Variants in MTOR observed in about 807,000 individuals in gnomAD.
MTOR encodes the protein mechanistic target of rapamycin kinase, also known as serine/threonine-protein kinase mTOR.
In MTOR, 70 loss-of-function variants were observed where a neutral mutation model predicts 319.8. The ratio of observed to expected loss-of-function variants is 0.22; its 90% CI spans 0.18 to 0.27. MTOR has a LOEUF of 0.27. Among genes scored for constraint, MTOR ranks in the 10% least tolerant of loss-of-function variants. The pLI is 1.00. For missense variants in MTOR, 1,890 were observed against 3,274.4 expected, an observed-to-expected ratio of 0.58 and a Z score of 10.32; for synonymous variants, 1,183 against 1,211.4, an observed-to-expected ratio of 0.98 and a Z score of 0.49.
At chr1:11,171,424 G>A (rs1248747298) in intron 28 of MTOR, among the ~76,000 whole-genome samples, 1 of 151,822 alleles carries the variant, frequency 6.6e-6, no homozygotes, top group African/African-American at 2.4e-5. Flanking sequence ...TGGGATGACA[G>A]GTGTGAGGCA....
intron 36 of MTOR, among the ~76,000 whole-genome samples, chr1:11,136,845 T>C (rs1464622885): frequency 7.5e-6 from 1 of 133,322 alleles, no homozygotes; most frequent in African/African-American, 3.0e-5. Context: ...TTAAATCTGA[T>C]TTTTTTTTTT....
At chr1:11,237,061 T>C (rs571933787) in intron 13 of MTOR, among the ~76,000 whole-genome samples, 1 of 152,312 alleles carries the variant, frequency 6.6e-6, no homozygotes, top group African/African-American at 2.4e-5. Flanking sequence ...GTTCCTTATA[T>C]GTTATAAAAA....
chr1:11,196,621 G>A (rs1645794177), intron 28 of MTOR, among the ~76,000 whole-genome samples: 1 of 152,230 alleles, frequency 6.6e-6, no homozygotes, highest in South Asian at 2.1e-4. Context: ...TTAGGAGGCC[G>A]AGGCGGGTGG....
intron 49 of MTOR, 98 bp from the exon 50 acceptor site, chr1:11,117,184 C>T (rs986334168): frequency 2.1e-5 from 21 of 982,484 alleles, no homozygotes; most frequent in South Asian, 1.2e-4. Context: ...CTTTTGAGAC[C>T]GAGTCTCGCT....
At chr1:11,194,814 A>G (rs1408542164) in intron 28 of MTOR, 1 of 1,610,548 alleles carries the variant, frequency 6.2e-7, no homozygotes, top group South Asian at 1.1e-5. Context: ...CTGGTCTATC[A>G]CAGTCAACTT....
intron 28 of MTOR, among the ~76,000 whole-genome samples, chr1:11,185,716 G>T (rs1645297834): frequency 1.3e-5 from 2 of 152,174 alleles, no homozygotes; most frequent in Middle Eastern, 3.2e-3. Flanking sequence ...AAAGCTCAGG[G>T]AAAAGATGGA....
intron 46 of MTOR, among the ~76,000 whole-genome samples, chr1:11,126,138 C>T (rs1295870350): frequency 1.3e-5 from 2 of 152,022 alleles, no homozygotes; most frequent in East Asian, 3.9e-4. Flanking sequence ...ACACTCTACC[C>T]CAAGGGAAAT....
rs1314272593 is a variant in MTOR, at chr1:11,114,881, T to C, written c.7096A>G (p.Met2366Val). ...TTCTCTGGAAACTTCTCTCGGGTCA[T>C]AGCAACCTACAGAATAATAAATGGG... is the stretch of plus-strand genomic sequence containing the variant. ...IDFGDCFEVA[M>V]TREKFPEKIP... The change falls in exon 52 of 58, where the codon ATG (methionine) becomes GTG (valine). Residue 2366 changes from methionine to valine, a missense_variant. Met to Val is a conservative substitution (Grantham distance 21). Coordinates refer to ENST00000361445, the MANE Select transcript of MTOR (RefSeq NM_004958.4). The C allele has an allele frequency of 1.9e-6, 3 of 1,613,968 alleles. No individual in the cohort carries two copies. The highest frequency in any genetic ancestry group is 2.2e-5 in the East Asian group (1 of 44,874).
At chr1:11,222,173 TTC>T (rs960921355) in intron 19 of MTOR, among the ~76,000 whole-genome samples, 7 of 151,970 alleles carry the variant, frequency 4.6e-5, no homozygotes, top group African/African-American at 1.7e-4. Context: ...TTATATAAAG[TTC>T]TTTTTTAAAA....
intron 28 of MTOR, among the ~76,000 whole-genome samples, chr1:11,191,488 CAT>C (rs1645528781): frequency 6.6e-6 from 1 of 152,166 alleles, no homozygotes; most frequent in Non-Finnish European, 1.5e-5. Flanking sequence ...CACCCCGAGA[CAT>C]AGCAGGCAGG....
At chr1:11,153,749 T>A (rs1315392587) in intron 30 of MTOR, among the ~76,000 whole-genome samples, 3 of 151,870 alleles carry the variant, frequency 2.0e-5, no homozygotes, top group Non-Finnish European at 4.4e-5. Flanking sequence ...ACTGAGGAAC[T>A]GAATTTCACA....
intron 28 of MTOR, among the ~76,000 whole-genome samples, chr1:11,197,732 G>C (rs530321054): frequency 1.3e-5 from 2 of 152,184 alleles, no homozygotes; most frequent in East Asian, 3.9e-4. Flanking sequence ...AGTAGAGATG[G>C]GTGTTTCACC....
intron 13 of MTOR, among the ~76,000 whole-genome samples, chr1:11,235,516 G>A (rs1647174441): frequency 6.6e-6 from 1 of 151,978 alleles, no homozygotes; most frequent in Admixed American, 6.6e-5. Flanking sequence ...CCTTTACCAA[G>A]GCATGAAAAT....
At position 11,202,909 on chromosome 1, in the gene MTOR, C is replaced by CA. The variant is rs1362303314; in HGVS notation, c.3944+1651dup. Among the ~76,000 whole-genome samples, 77 of 94,596 alleles carry CA rather than the reference C, an allele frequency of 8.1e-4. 1 individual carries two copies. In the East Asian group the frequency reaches 8.6e-3, roughly 11 times the overall value. The allele number at this position is 94,596 out of a possible 152,430, so 62.1% of individuals were successfully genotyped here. On this transcript the variant is annotated intron_variant, in intron 26 of 57. Transcript: ENST00000361445. ...GGCAGCAGAGACCCTGTTTCCAAAA[C>CA]AAAAACAAAAACAAAAAACCAGGCG...
chr1:11,144,995 T>C lies in MTOR; in HGVS notation c.4737A>G (p.Ala1579=), dbSNP rs774280805. 3.7e-6 allele frequency: 6 copies of C among 1,614,162 alleles called. No homozygotes were observed. Among genetic ancestry groups the C allele is most frequent in the East Asian group, 2.2e-5 (1 of 44,886 alleles). Residue 1579 remains alanine, a synonymous_variant, in exon 33 of 58, where the codon GCA becomes GCG. Transcript: ENST00000361445. ...CATATGCCCGACTGTAACTCTCTCC[T>C]GCCATCGCAGTTAATTCAGCATCCA... ...DLLDAELTAM[A]GESYSRAYGA... is the part of the protein sequence containing the mutation.
chr1:11,212,571 G>A lies in MTOR; in HGVS notation c.3399-97C>T, dbSNP rs1646346600. On this transcript the variant is annotated intron_variant, in intron 22 of 57. Coordinates refer to ENST00000361445, the MANE Select transcript of MTOR (RefSeq NM_004958.4). The surrounding 1 kb of genome is among the most constrained non-coding windows in gnomAD (Gnocchi z 4.1). Reference sequence around the variant, plus strand: ...CTTAACAATCAGCACCAAAGGGATGGGAATGAACGGCTTCTAAGGTATTTT... The same window carrying A: ...CTTAACAATCAGCACCAAAGGGATGAGAATGAACGGCTTCTAAGGTATTTT... 1 of 1,408,834 alleles carries A rather than the reference G, an allele frequency of 7.1e-7. No homozygotes were observed. The highest frequency in any genetic ancestry group is 2.1e-5 in the Admixed American group (1 of 46,614). The allele number at this position is 1,408,834 out of a possible 1,614,324, so 87.3% of individuals were successfully genotyped here. A position where few individuals can be genotyped will look rare whatever the true frequency, so the allele number is the denominator to read the frequency against.
intron 30 of MTOR, among the ~76,000 whole-genome samples, chr1:11,154,515 C>A (rs1245908902): frequency 2.1e-5 from 3 of 145,560 alleles, no homozygotes; most frequent in Non-Finnish European, 3.0e-5. Context: ...GGAATATTAT[C>A]TCTCTCTCTA....
rs1411760431 is a variant in MTOR at position 11,238,033 on chromosome 1, T to C, written c.2018A>G (p.Tyr673Cys). ...CTCGTCCAGGGACGCCAAGACACAG[T>C]AGCGAATGTCAGGGTCTGCAAGAGC... is the stretch of plus-strand genomic sequence containing the variant. ...GITDPDPDIR[Y>C]CVLASLDERF... The change falls in exon 13 of 58, where the codon TAC (tyrosine) becomes TGC (cysteine). Residue 673 changes from tyrosine (Y) to cysteine (C), a missense_variant. Physicochemically the swap from Tyr to Cys is radical, Grantham distance 194 (BLOSUM62 -2). Transcript: ENST00000361445. 1 of 1,614,184 alleles carries C rather than the reference T, an allele frequency of 6.2e-7. No individual in the cohort carries two copies. Among genetic ancestry groups the C allele is most frequent in the Non-Finnish European group, 8.5e-7 (1 of 1,180,032 alleles).
chr1:11,256,833 C>T, intron 4 of MTOR, 100 bp downstream of exon 4: 1 of 1,176,212 alleles, frequency 8.5e-7, no homozygotes. Flanking sequence ...GCTCTTCTAA[C>T]CAGCTTTTTT....
Sources: gnomAD v4.1 joint callset for allele counts (sites outside exome capture counted in the v4.1 genomes callset) on GRCh38, gnomAD v4.1.1 for gene constraint, Gnocchi (gnomAD v3.1) non-coding constraint, MANE v1.5 for transcripts, NCBI Gene and HGNC (gene_info 2026-07-23, HGNC 2026-07-21) for gene names.